ANKRD11: variants seen among roughly 807,000 people sequenced by gnomAD.
The protein encoded by ANKRD11 is ankyrin repeat domain-containing protein 11.
ANKRD11 carries 17 observed loss-of-function variants against 195.7 expected under a neutral mutation model. The observed-to-expected ratio is 0.09, with a 90% CI of 0.06 to 0.13. ANKRD11 has a LOEUF of 0.13. Ranked by LOEUF, ANKRD11 falls within the 10% of genes least tolerant of loss-of-function variation. The pLI is 1.00. For synonymous variants in ANKRD11, 1,953 were observed against 1,528.1 expected, an observed-to-expected ratio of 1.28 and a Z score of -6.49; for missense variants, 3,735 against 3,566.1, an observed-to-expected ratio of 1.05 and a Z score of -1.21.
chr16:89,433,449 CA>C (rs2152275576), intron 1 of ANKRD11, among the ~76,000 whole-genome samples: 1 of 152,362 alleles, frequency 6.6e-6, no homozygotes, highest in South Asian at 2.1e-4. Context: ...CTACCACCGA[CA>C]GGCTTTCAAA....
intron 12 of ANKRD11, chr16:89,270,373 G>C (rs1039642365): frequency 7.3e-6 from 2 of 273,890 alleles, no homozygotes; most frequent in Admixed American, 4.9e-5. Flanking sequence ...TTGCCTCCTG[G>C]TGGATCCTCC....
intron 2 of ANKRD11, among the ~76,000 whole-genome samples, chr16:89,408,093 T>A (rs1037496812): frequency 2.6e-5 from 4 of 152,162 alleles, no homozygotes; most frequent in Non-Finnish European, 5.9e-5. Context: ...ACTGCACATG[T>A]GTGACCACTG....
chr16:89,280,631 C>T lies in ANKRD11; in HGVS notation c.5911G>A (p.Val1971Met). Residue 1971 changes from valine (V) to methionine (M), a missense_variant, in exon 9 of 13, where the codon GTG (valine) becomes ATG (methionine). Coordinates refer to ENST00000301030, the MANE Select transcript of ANKRD11 (RefSeq NM_013275.6). ...SLIGGTSENP[V>M]SWPVGSDLLL... is the part of the protein sequence containing the mutation. ...AGGTCCGAGCCCACAGGCCAGCTCA[C>T]AGGGTTTTCAGAGGTGCCCCCGATC... 6.2e-7 allele frequency: 1 copy of T among 1,613,462 alleles called. No homozygotes were observed. Among genetic ancestry groups the T allele is most frequent in the Non-Finnish European group, 8.5e-7 (1 of 1,179,908 alleles).
intron 2 of ANKRD11, among the ~76,000 whole-genome samples, chr16:89,352,305 G>A (rs937378972): frequency 5.9e-5 from 9 of 151,822 alleles, no homozygotes; most frequent in African/African-American, 1.7e-4. Context: ...ATCACGCCAC[G>A]CGGTGCAGAG....
In ANKRD11 at chr16:89,329,948, C is replaced by T. The variant is rs191876003; in HGVS notation, c.-59-12870G>A. ...GAGGCTGCCGTGAGCAGAGATCACA[C>T]CACTGCACTCCAGCCTGGGCGACAG... On this transcript the variant is annotated intron_variant, in intron 2 of 12. Transcript: ENST00000301030. Among the ~76,000 whole-genome samples, 245 of 151,418 alleles carry T rather than the reference C, an allele frequency of 1.6e-3. 3 individuals carry two copies. The Middle Eastern group carries it at 0.024, about 15-fold the overall frequency.
At chr16:89,417,138 A>G (rs2042342735) in intron 2 of ANKRD11, among the ~76,000 whole-genome samples, 1 of 152,222 alleles carries the variant, frequency 6.6e-6, no homozygotes. Flanking sequence ...CAAGGAAAGA[A>G]TTCAGTCATA....
chr16:89,283,206 G>A lies in ANKRD11; in HGVS notation c.3336C>T (p.Ser1112=), dbSNP rs1387398285. 1.9e-6 allele frequency: 3 copies of A among 1,614,002 alleles called. No individual in the cohort carries two copies. Among genetic ancestry groups the A allele is most frequent in the East Asian group, 4.5e-5 (2 of 44,882 alleles). The change falls in exon 9 of 13, where the codon AGC becomes AGT. Residue 1112 remains serine (S), a synonymous_variant. Transcript: ENST00000301030. This position sits in a 1 kb window ranked among gnomAD's most constrained non-coding sequence, Gnocchi z 4.3. ...KKDDKKGKEK[S]WYIADIFTDE... The stretch of plus-strand genomic sequence containing the variant: ...CTGTGAAGATGTCTGCGATGTACCA[G>A]CTTTTCTCTTTGCCTTTCTTGTCAT...
At chr16:89,312,685 C>G (rs534149940) in intron 3 of ANKRD11, among the ~76,000 whole-genome samples, 3 of 152,254 alleles carry the variant, frequency 2.0e-5, no homozygotes, top group Non-Finnish European at 4.4e-5. Context: ...CAGCTTCGCC[C>G]TCCTGTGCTC....
At chr16:89,397,650 G>A (rs1347551033) in intron 2 of ANKRD11, among the ~76,000 whole-genome samples, 1 of 152,238 alleles carries the variant, frequency 6.6e-6, no homozygotes, top group Admixed American at 6.5e-5. Context: ...ACTCAGGAAG[G>A]GTAAGACACA....
intron 2 of ANKRD11, among the ~76,000 whole-genome samples, chr16:89,356,711 G>T (rs1273567043): frequency 6.8e-6 from 1 of 148,042 alleles, no homozygotes; most frequent in African/African-American, 2.5e-5. Flanking sequence ...AACCCGGGAG[G>T]CCGAGCTTGC....
Position 89,280,781 on chromosome 16 carries a change from C to T in ANKRD11, c.5761G>A (p.Ala1921Thr), listed in dbSNP as rs1442693880. 2 of 1,611,418 alleles carry T rather than the reference C, an allele frequency of 1.2e-6. No individual in the cohort carries two copies. The highest frequency in any genetic ancestry group is 1.7e-4 in the Middle Eastern group (1 of 6,038). Residue 1921 changes from alanine (A) to threonine (T), a missense_variant, in exon 9 of 13, where the codon GCC becomes ACC. By Grantham distance (58) the Ala-to-Thr change is moderately conservative. Transcript: ENST00000301030. ...CTGGGCTCCGGGGGGATGATGGCGGCCGTCGCCTGCTGGTCCTCGGAGGTG... is the reference window on the plus strand; with the variant it reads ...CTGGGCTCCGGGGGGATGATGGCGGTCGTCGCCTGCTGGTCCTCGGAGGTG... The part of the protein sequence containing the change: ...LDTSEDQQAT[A>T]AIIPPEPSYL...
intron 1 of ANKRD11, among the ~76,000 whole-genome samples, chr16:89,463,115 C>T (rs369449674): frequency 0.49 from 73,656 of 149,340 alleles, 18,654 homozygotes; most frequent in Middle Eastern, 0.64. Flanking sequence ...TCTGCCCGGC[C>T]GCCCCTACTG....
intron 7 of ANKRD11, chr16:89,286,500 A>G: frequency 3.9e-6 from 2 of 519,116 alleles, no homozygotes; most frequent in South Asian, 4.0e-5. Context: ...CAAGTAGACG[A>G]CTTCCCAGGA....
intron 1 of ANKRD11, among the ~76,000 whole-genome samples, chr16:89,468,979 G>C (rs1013167291): frequency 3.3e-5 from 5 of 152,180 alleles, no homozygotes; most frequent in African/African-American, 1.2e-4. Flanking sequence ...GTCCATTCCT[G>C]ATACTTAGCA....
intron 2 of ANKRD11, among the ~76,000 whole-genome samples, chr16:89,357,485 G>A (rs193175215): frequency 6.6e-6 from 1 of 152,238 alleles, no homozygotes; most frequent in Non-Finnish European, 1.5e-5. Flanking sequence ...ATTACAAAAG[G>A]ACTAAGCATA....
At position 89,285,425 on chromosome 16, in the gene ANKRD11, T is replaced by C; in HGVS notation, c.1117A>G (p.Lys373Glu). Residue 373 changes from lysine to glutamate, a missense_variant, in exon 9 of 13, where the codon AAA becomes GAA. By Grantham distance (56) the Lys-to-Glu change is moderately conservative (BLOSUM62 1). Transcript: ENST00000301030. This position sits in a 1 kb window ranked among gnomAD's most constrained non-coding sequence, Gnocchi z 5.6. ...DKHLLKKDYR[K>E]ETKSNSFISI... Reference sequence around the variant, plus strand: ...ATAAAACTATTGGATTTCGTTTCTTTTCTGTAGTCCTTTTTCAATAGGTGC... The same window carrying C: ...ATAAAACTATTGGATTTCGTTTCTTCTCTGTAGTCCTTTTTCAATAGGTGC... 2 of 1,614,172 alleles carry C rather than the reference T, an allele frequency of 1.2e-6. No individual in the cohort carries two copies. Among genetic ancestry groups the C allele is most frequent in the Non-Finnish European group, 1.7e-6 (2 of 1,180,030 alleles).
intron 7 of ANKRD11, chr16:89,287,100 C>T (rs1272921767): frequency 1.6e-6 from 2 of 1,289,824 alleles, no homozygotes; most frequent in East Asian, 5.5e-5. Context: ...CCTTCCTTTC[C>T]TCCATCATGG....
chr16:89,360,343 CG>C (rs1597783688), intron 2 of ANKRD11, among the ~76,000 whole-genome samples: 1 of 152,192 alleles, frequency 6.6e-6, no homozygotes, highest in Non-Finnish European at 1.5e-5. Flanking sequence ...GCAATCCTCT[CG>C]AATTGGTCTC....
At chr16:89,432,217 G>T (rs943696734) in intron 1 of ANKRD11, among the ~76,000 whole-genome samples, 1 of 145,824 alleles carries the variant, frequency 6.9e-6, no homozygotes, top group Admixed American at 6.9e-5. Flanking sequence ...ATATATTCAT[G>T]TTGTACATCG....
Sources: allele counts gnomAD v4.1 joint callset (sites outside exome capture counted in the v4.1 genomes callset), GRCh38; gene constraint gnomAD v4.1.1; non-coding constraint Gnocchi (gnomAD v3.1); transcripts MANE v1.5; gene names NCBI Gene and HGNC (gene_info 2026-07-23, HGNC 2026-07-21).